Variants in HIP1 observed in about 807,000 individuals in gnomAD.
HIP1 encodes the protein huntingtin-interacting protein 1.
A neutral mutation model predicts 147.6 loss-of-function variants in HIP1; 65 were observed. The ratio of observed to expected loss-of-function variants is 0.44; its 90% CI spans 0.36 to 0.54. HIP1 has a LOEUF of 0.54. HIP1 is among the 20% of genes least tolerant of loss of function. The pLI, the probability that HIP1 is intolerant of heterozygous loss-of-function variation, is 0.00. For synonymous variants in HIP1, 479 were observed against 504.0 expected, an observed-to-expected ratio of 0.95 and a Z score of 0.67; for missense variants, 1,061 against 1,299.6, an observed-to-expected ratio of 0.82 and a Z score of 2.82.
rs1173608902 is a variant in HIP1 at position 75,562,080 on chromosome 7, C to A, written c.1111G>T (p.Asp371Tyr). The A allele has an allele frequency of 6.2e-7, 1 of 1,605,500 alleles. No individual in the cohort carries two copies. Among genetic ancestry groups the A allele is most frequent in the South Asian group, 1.1e-5 (1 of 90,896 alleles). ...AACCCAGCTTGGACTCACTTCTCAT[C>A]CTTGTTCACACCATTTTGACTGTTG... Reference protein sequence around the residue: ...NFNSQNGVNKDEKDHLIERLY... With the variant: ...NFNSQNGVNKYEKDHLIERLY... Residue 371 changes from aspartate (D) to tyrosine (Y), a missense_variant, in exon 12 of 31, where the codon GAT becomes TAT. Physicochemically the swap from Asp to Tyr is radical, Grantham distance 160 (BLOSUM62 -3). Coordinates refer to ENST00000336926, the MANE Select transcript of HIP1 (RefSeq NM_005338.7).
intron 29 of HIP1, among the ~76,000 whole-genome samples, chr7:75,539,970 A>T (rs1410829801): frequency 6.6e-6 from 1 of 152,208 alleles, no homozygotes; most frequent in East Asian, 1.9e-4. Context: ...CTAGAAACCC[A>T]GGTAGGAAGC....
chr7:75,542,129 G>T (rs1422776454), intron 28 of HIP1, 149 bp from the exon 29 acceptor site: 23 of 683,848 alleles, frequency 3.4e-5, no homozygotes, highest in Non-Finnish European at 5.9e-5. Context: ...AGACAACGGT[G>T]GCTCACTCCT....
At chr7:75,540,648 A>G (rs1794271696) in intron 29 of HIP1, among the ~76,000 whole-genome samples, 1 of 152,050 alleles carries the variant, frequency 6.6e-6, no homozygotes, top group African/African-American at 2.4e-5. Context: ...CACATCTTGG[A>G]GTACTTTAAC....
chr7:75,715,441 G>GGA (rs1363939271), intron 1 of HIP1, among the ~76,000 whole-genome samples: 1 of 141,570 alleles, frequency 7.1e-6, no homozygotes, highest in Non-Finnish European at 1.5e-5. Flanking sequence ...AGGAAAGAAG[G>GGA]GAGAGAGAGA....
chr7:75,554,122 G>T lies in HIP1; in HGVS notation c.2149C>A (p.Pro717Thr). Residue 717 changes from proline (P) to threonine (T), a missense_variant, in exon 21 of 31, where the codon CCT becomes ACT. By Grantham distance (38) the Pro-to-Thr change is conservative. This residue lies in a region of HIP1 where 810 missense variants were observed against 946.8 expected (regional missense o/e 0.86). Transcript: ENST00000336926. Reference protein sequence around the residue: ...ATTCLRAPPEPADSLTEACKQ... With the variant: ...ATTCLRAPPETADSLTEACKQ... Reference sequence around the variant, plus strand: ...ATGCCCCGGTACTCACAGTCGGCAGGCTCAGGTGGGGCTCTGAGGCAGGTG... The same window carrying T: ...ATGCCCCGGTACTCACAGTCGGCAGTCTCAGGTGGGGCTCTGAGGCAGGTG... 6.2e-7 allele frequency: 1 copy of T among 1,613,322 alleles called. No individual in the cohort carries two copies. Among genetic ancestry groups the T allele is most frequent in the Non-Finnish European group, 8.5e-7 (1 of 1,179,412 alleles).
At position 75,606,713 on chromosome 7, in the gene HIP1, G is replaced by C. The variant is rs587653387; in HGVS notation, c.121-7466C>G. ...ATGAGGCCAGGCGGCTCTTGGGTAA[G>C]AAATAGCCATTTTTAAAAGAATGAG... On this transcript the variant is annotated intron_variant, in intron 1 of 30. Coordinates refer to ENST00000336926, the MANE Select transcript of HIP1 (RefSeq NM_005338.7). Among the ~76,000 whole-genome samples the C allele has an allele frequency of 2.2e-4, 34 of 152,250 alleles. 2 individuals carry two copies. The South Asian group carries it at 4.1e-3, about 19-fold the overall frequency.
chr7:75,645,522 C>T (rs533049180), intron 1 of HIP1, among the ~76,000 whole-genome samples: 13 of 152,256 alleles, frequency 8.5e-5, no homozygotes, highest in East Asian at 3.9e-4. Flanking sequence ...CCACTGCACC[C>T]GGCCTGGATT....
At chr7:75,732,283 T>C (rs1443160850) in intron 1 of HIP1, among the ~76,000 whole-genome samples, 1 of 152,184 alleles carries the variant, frequency 6.6e-6, no homozygotes, top group Non-Finnish European at 1.5e-5. Flanking sequence ...CTCTAGGATC[T>C]AAGGCTCTTC....
chr7:75,693,068 G>A (rs886515457), intron 1 of HIP1, among the ~76,000 whole-genome samples: 3 of 151,856 alleles, frequency 2.0e-5, no homozygotes, highest in Non-Finnish European at 4.4e-5. Context: ...AGGAGGCTGA[G>A]GCACGAGAAT....
At chr7:75,571,522 G>T (rs1554496634) in intron 8 of HIP1, among the ~76,000 whole-genome samples, 1 of 152,140 alleles carries the variant, frequency 6.6e-6, no homozygotes, top group African/African-American at 2.4e-5. Context: ...TCTAAATAAA[G>T]AGATTCATTA....
chr7:75,646,810 A>T (rs998527189), intron 1 of HIP1, among the ~76,000 whole-genome samples: 19 of 152,266 alleles, frequency 1.2e-4, no homozygotes, highest in Admixed American at 1.2e-3. Flanking sequence ...GAACCCTGAG[A>T]GCTGTAGCAT....
At chr7:75,671,663 A>G (rs1373330652) in intron 1 of HIP1, among the ~76,000 whole-genome samples, 2 of 152,084 alleles carry the variant, frequency 1.3e-5, no homozygotes, top group Non-Finnish European at 2.9e-5. Flanking sequence ...GCATCGTACC[A>G]TTTTATATTC....
At chr7:75,661,719 C>G (rs1799323773) in intron 1 of HIP1, among the ~76,000 whole-genome samples, 1 of 151,800 alleles carries the variant, frequency 6.6e-6, no homozygotes. Context: ...GCTACAAGTG[C>G]TGTTAGGTCC....
At chr7:75,681,176 G>A (rs1048232730) in intron 1 of HIP1, among the ~76,000 whole-genome samples, 1 of 152,074 alleles carries the variant, frequency 6.6e-6, no homozygotes, top group Non-Finnish European at 1.5e-5. Context: ...GCCTTTCAAA[G>A]TGCTGGGATT....
intron 4 of HIP1, among the ~76,000 whole-genome samples, chr7:75,591,824 CAGG>C (rs1554500809): frequency 6.6e-6 from 1 of 151,916 alleles, no homozygotes. Flanking sequence ...TTTTCATTGG[CAGG>C]AGAAGCTCCC....
At position 75,664,006 on chromosome 7, in the gene HIP1, G is replaced by GTA. The variant is rs1168822220; in HGVS notation, c.121-64761_121-64760dup. Among the ~76,000 whole-genome samples the GTA allele has an allele frequency of 8.1e-3, 148 of 18,196 alleles. 30 individuals are homozygous for GTA. The highest frequency in any genetic ancestry group is 0.023 in the East Asian group (16 of 706). 11.9% of individuals were successfully genotyped at this position (18,196 alleles called of 152,430 possible). ...TGTGTATATATATACACATATATGT[G>GTA]TATATATATACACATATATGTGTAT... On this transcript the variant is annotated intron_variant, in intron 1 of 30. Coordinates refer to ENST00000336926, the MANE Select transcript of HIP1 (RefSeq NM_005338.7).
chr7:75,598,077 G>GC (rs1796818571), intron 2 of HIP1, among the ~76,000 whole-genome samples: 1 of 152,166 alleles, frequency 6.6e-6, no homozygotes, highest in African/African-American at 2.4e-5. Flanking sequence ...AAGGTAGAGA[G>GC]CCCCTGCCTC....
intron 1 of HIP1, among the ~76,000 whole-genome samples, chr7:75,664,819 C>T (rs1799505955): frequency 6.6e-6 from 1 of 152,142 alleles, no homozygotes; most frequent in African/African-American, 2.4e-5. Context: ...TGGGATTTCA[C>T]CATATTGGCC....
chr7:75,640,459 C>A (rs1022466441), intron 1 of HIP1, among the ~76,000 whole-genome samples: 20 of 152,180 alleles, frequency 1.3e-4, no homozygotes, highest in Non-Finnish European at 2.8e-4. Flanking sequence ...TGGCTCCCGG[C>A]GGGCTCACGC....
Sources: allele counts gnomAD v4.1 joint callset (sites outside exome capture counted in the v4.1 genomes callset), GRCh38; gene constraint gnomAD v4.1.1; regional missense constraint gnomAD v4.1.1; transcripts MANE v1.5; gene names NCBI Gene and HGNC (gene_info 2026-07-23, HGNC 2026-07-21).